The following CCDC38 variants were observed in gnomAD, a reference collection of about 807,000 sequenced individuals.
CCDC38 encodes the protein coiled-coil domain containing 38.
A neutral mutation model predicts 72.8 loss-of-function variants in CCDC38; 69 were observed. That is an observed-to-expected ratio of 0.95 (90% CI 0.78 to 1.16). The LOEUF (loss-of-function observed/expected upper bound fraction) is 1.16. Among genes scored for constraint, CCDC38 ranks in the 50% most tolerant of loss-of-function variants. The probability of loss-of-function intolerance (pLI) is 0.00; values close to 1 mark genes in which losing one functional copy is unlikely to be tolerated. For synonymous variants in CCDC38, 201 were observed against 213.2 expected, an observed-to-expected ratio of 0.94 and a Z score of 0.50; for missense variants, 626 against 638.9, an observed-to-expected ratio of 0.98 and a Z score of 0.22.
intron 10 of CCDC38, among the ~76,000 whole-genome samples, chr12:95,883,752 T>C (rs976061960): frequency 6.6e-5 from 10 of 152,216 alleles, no homozygotes; most frequent in African/African-American, 2.4e-4. Flanking sequence ...TTTTGTTTAT[T>C]GTTGGGGCAC....
intron 1 of CCDC38, among the ~76,000 whole-genome samples, chr12:95,942,069 GGCTTAGTCT>G (rs1385608736): frequency 5.9e-5 from 9 of 151,822 alleles, no homozygotes; most frequent in East Asian, 1.9e-4. Context: ...TGGGTTTGCA[GGCTTAGTCT>G]GCTTTTATAG....
chr12:95,915,796 G>T (rs1202884538), intron 4 of CCDC38, among the ~76,000 whole-genome samples: 1 of 152,122 alleles, frequency 6.6e-6, no homozygotes, highest in African/African-American at 2.4e-5. Context: ...AAATTGCCTT[G>T]GATAATGCCA....
At chr12:95,890,721 T>C (rs1592766872) in intron 9 of CCDC38, 111 bp downstream of exon 9, 1 of 588,172 alleles carries the variant, frequency 1.7e-6, no homozygotes, top group East Asian at 2.9e-5. Flanking sequence ...GGATTGAGGG[T>C]GGGGTGGACA....
At chr12:95,884,670 T>G (rs559734176) in intron 10 of CCDC38, among the ~76,000 whole-genome samples, 1 of 152,344 alleles carries the variant, frequency 6.6e-6, no homozygotes, top group South Asian at 2.1e-4. Context: ...TATTAATACC[T>G]TTCTCTTAGC....
chr12:95,942,618 G>GCACCCGC (rs1206286461), upstream of CCDC38: 1 of 152,324 alleles, frequency 6.6e-6, no homozygotes, highest in African/African-American at 2.4e-5. Context: ...TAAGTGCGGG[G>GCACCCGC]CACCCGCCAC....
intron 15 of CCDC38, among the ~76,000 whole-genome samples, chr12:95,867,954 C>T (rs538622586): frequency 6.6e-6 from 1 of 152,316 alleles, no homozygotes; most frequent in South Asian, 2.1e-4. Context: ...CCCTGCATTG[C>T]AGGCCTGAGA....
intron 9 of CCDC38, 26 bp from the exon 10 acceptor site, chr12:95,888,532 A>G (rs2079785760): frequency 1.9e-6 from 3 of 1,612,332 alleles, no homozygotes; most frequent in African/African-American, 2.7e-5. Flanking sequence ...AGGTGAGGCC[A>G]TGCCGTTGGT....
rs562731477 is a variant in CCDC38 at position 95,896,859 on chromosome 12, C to T, written c.614+1526G>A. Among the ~76,000 whole-genome samples the T allele has an allele frequency of 1.6e-4, 25 of 152,326 alleles. 1 individual carries two copies. The South Asian group carries it at 5.0e-3, about 30-fold the overall frequency. ...GATACATCAACGATCAAGTTATCTTCAGCAAGACCATTTGGAGGGCTCAAC... is the reference window on the plus strand; with the variant it reads ...GATACATCAACGATCAAGTTATCTTTAGCAAGACCATTTGGAGGGCTCAAC... On this transcript the variant is annotated intron_variant, in intron 7 of 15. Transcript: ENST00000344280.
intron 2 of CCDC38, among the ~76,000 whole-genome samples, chr12:95,923,535 T>A (rs2080232038): frequency 2.0e-5 from 1 of 49,826 alleles, no homozygotes; most frequent in Non-Finnish European, 3.9e-5. Context: ...CAAGTGTCTT[T>A]TTTTTTTTAA....
intron 4 of CCDC38, among the ~76,000 whole-genome samples, chr12:95,908,440 GGAAAGA>G (rs1401034558): frequency 2.5e-3 from 129 of 50,898 alleles, no homozygotes; most frequent in Non-Finnish European, 3.6e-3. Context: ...GGGAGACCGT[GGAAAGA>G]GGGAGAGGGA....
At chr12:95,881,649 C>G (rs960101540) in intron 10 of CCDC38, 95 bp from the exon 11 acceptor site, 4 of 873,850 alleles carry the variant, frequency 4.6e-6, no homozygotes, top group Non-Finnish European at 7.2e-6. Flanking sequence ...TGGAACCCAA[C>G]TGTAACATAA....
chr12:95,869,744 C>A, intron 14 of CCDC38, 171 bp from the exon 15 acceptor site: 1 of 537,016 alleles, frequency 1.9e-6, no homozygotes, highest in South Asian at 2.5e-5. Context: ...AGGTAAATCT[C>A]GACAACAAAT....
chr12:95,896,550 G>A (rs76939218), intron 7 of CCDC38: 9,028 of 152,342 alleles, frequency 0.059, 782 homozygotes, highest in East Asian at 0.36. Context: ...GCTGCTTCAC[G>A]TATCACCAGT....
chr12:95,892,359 A>G (rs576690587), intron 8 of CCDC38, among the ~76,000 whole-genome samples: 36 of 132,170 alleles, frequency 2.7e-4, no homozygotes, highest in Non-Finnish European at 9.1e-5. Context: ...ATCATGGCTC[A>G]CTGCAACTTC....
At chr12:95,893,240 A>AC (rs1333088032) in intron 8 of CCDC38, among the ~76,000 whole-genome samples, 1 of 150,580 alleles carries the variant, frequency 6.6e-6, no homozygotes, top group African/African-American at 2.5e-5. Flanking sequence ...GCTCACACAC[A>AC]TTAAGGTTAT....
At chr12:95,887,599 G>A (rs1455093926) in intron 10 of CCDC38, among the ~76,000 whole-genome samples, 5 of 152,218 alleles carry the variant, frequency 3.3e-5, no homozygotes, top group African/African-American at 1.2e-4. Context: ...AGGGTTTAAG[G>A]GGAGGTGGGA....
chr12:95,930,508 C>G (rs912796370), intron 2 of CCDC38, among the ~76,000 whole-genome samples: 1 of 152,112 alleles, frequency 6.6e-6, no homozygotes, highest in African/African-American at 2.4e-5. Flanking sequence ...GTGTCTGTAT[C>G]GCAAATCTTC....
chr12:95,884,033 A>G lies in CCDC38; in HGVS notation c.921-2479T>C, dbSNP rs541512832. 7.9e-5 allele frequency among the ~76,000 whole-genome samples: 12 copies of G among 152,346 alleles called. No homozygotes were observed. The South Asian group carries it at 2.5e-3, about 32-fold the overall frequency. ...GAATCCTTTCAAGACTGGGAACAAG[A>G]CAAAGATATCTGCTCCCTCTACTCT... On this transcript the variant is annotated intron_variant, in intron 10 of 15. Coordinates refer to ENST00000344280, the MANE Select transcript of CCDC38 (RefSeq NM_182496.3).
Position 95,867,102 on chromosome 12 carries a change from G to C in CCDC38, c.1666C>G (p.Gln556Glu). Reference sequence around the variant, plus strand: ...CAAGTAAAAAAATATTCTTCCTCTTGTGATTTTGTTTTTGTTTCATTGACT... The same window carrying C: ...CAAGTAAAAAAATATTCTTCCTCTTCTGATTTTGTTTTTGTTTCATTGACT... ...PLVNETKTKSQEEEYFFT is the reference protein window; with the variant it reads ...PLVNETKTKSEEEEYFFT Residue 556 changes from glutamine (Q) to glutamate (E), a missense_variant, in exon 16 of 16, where the codon CAA becomes GAA. Gln to Glu is a conservative substitution (Grantham distance 29, BLOSUM62 2). Coordinates refer to ENST00000344280, the MANE Select transcript of CCDC38 (RefSeq NM_182496.3). The C allele has an allele frequency of 6.3e-7, 1 of 1,595,412 alleles. No individual in the cohort carries two copies. The highest frequency in any genetic ancestry group is 8.6e-7 in the Non-Finnish European group (1 of 1,165,712).
Sources: allele counts gnomAD v4.1 joint callset (sites outside exome capture counted in the v4.1 genomes callset), GRCh38; gene constraint gnomAD v4.1.1; transcripts MANE v1.5; gene names NCBI Gene and HGNC (gene_info 2026-07-23, HGNC 2026-07-21).